The following NPFFR2 variants were observed in gnomAD, a reference collection of about 807,000 sequenced individuals.
NPFFR2 encodes G-protein coupled receptor 74.
Under a neutral mutation model 13.1 loss-of-function variants are expected in NPFFR2, and 15 were observed. The observed-to-expected ratio is 1.15, with a 90% CI of 0.77 to 1.76. The LOEUF (loss-of-function observed/expected upper bound fraction) is 1.76. Ranked by LOEUF, NPFFR2 falls within the 40% of genes most tolerant of loss-of-function variation. NPFFR2 has a pLI of 0.00. For synonymous variants in NPFFR2, 190 were observed against 175.7 expected (o/e 1.08, Z -0.65); for missense variants, 572 against 503.5 (o/e 1.14, Z -1.30).
chr4:72,128,630 G>A lies in NPFFR2; in HGVS notation c.39G>A (p.Trp13Ter). ...GGGACACAAACTCTTCAGAAAACTG[G>A]CATCCCATCTGGAATGTCAATGACA... ...EKWDTNSSEN[W>*]HPIWNVNDTK... is the part of the protein sequence containing the mutation. The change falls in exon 2 of 4, where the codon TGG becomes TGA. Residue 13 changes from tryptophan to a stop codon, truncating the protein, a stop_gained. Coordinates refer to ENST00000308744, the MANE Select transcript of NPFFR2 (RefSeq NM_004885.3). LOFTEE classifies it high-confidence loss of function. 1 of 1,611,508 alleles carries A rather than the reference G, an allele frequency of 6.2e-7. No homozygotes were observed. The highest frequency in any genetic ancestry group is 8.5e-7 in the Non-Finnish European group (1 of 1,178,010).
rs182810603 is a variant in NPFFR2 at position 72,124,471 on chromosome 4, G to T, written c.-7-4114G>T. Among the ~76,000 whole-genome samples the T allele has an allele frequency of 2.0e-5, 3 of 151,570 alleles. No homozygotes were observed. The East Asian group carries it at 5.8e-4, about 29-fold the overall frequency. On this transcript the variant is annotated intron_variant, in intron 1 of 3. Coordinates refer to ENST00000308744, the MANE Select transcript of NPFFR2 (RefSeq NM_004885.3). ...CTAAGCAAAAAGAACAAAGCTGGAG[G>T]CATCAGGCTACCTGACTTCAAACTG...
At chr4:72,050,976 T>C (rs904472884) in intron 1 of NPFFR2, among the ~76,000 whole-genome samples, 17 of 151,958 alleles carry the variant, frequency 1.1e-4, no homozygotes, top group Admixed American at 3.9e-4. Flanking sequence ...TATTCCATGG[T>C]GTATATGTGC....
intron 1 of NPFFR2, among the ~76,000 whole-genome samples, chr4:72,123,891 A>G (rs1194856449): frequency 6.6e-6 from 1 of 152,232 alleles, no homozygotes; most frequent in Non-Finnish European, 1.5e-5. Context: ...CCTATTCAAC[A>G]TAGTGTTGGA....
At chr4:72,110,862 C>T (rs751833315) in intron 1 of NPFFR2, among the ~76,000 whole-genome samples, 6 of 152,094 alleles carry the variant, frequency 3.9e-5, no homozygotes, top group Middle Eastern at 3.4e-3. Context: ...GCAATTTCTT[C>T]TGCTCAGAGC....
Position 72,126,305 on chromosome 4 carries a change from G to A in NPFFR2, c.-7-2280G>A, listed in dbSNP as rs1039332110. Among the ~76,000 whole-genome samples, 3 of 152,118 alleles carry A rather than the reference G, an allele frequency of 2.0e-5. No homozygotes were observed. The East Asian group carries it at 5.8e-4, about 29-fold the overall frequency. ...TGTAACTATCCTGTTTCAAATTTTT[G>A]TCCACTGCTTTAAGCAGTCATTTAT... On this transcript the variant is annotated intron_variant, in intron 1 of 3. Coordinates refer to ENST00000308744, the MANE Select transcript of NPFFR2 (RefSeq NM_004885.3).
At chr4:72,036,985 C>CT (rs1292143192) in intron 1 of NPFFR2, among the ~76,000 whole-genome samples, 1 of 152,146 alleles carries the variant, frequency 6.6e-6, no homozygotes, top group Non-Finnish European at 1.5e-5. Flanking sequence ...CTCAAACACC[C>CT]TGTCTCCTTG....
chr4:72,144,684 C>T (rs553299462), intron 3 of NPFFR2, among the ~76,000 whole-genome samples: 28 of 152,240 alleles, frequency 1.8e-4, no homozygotes, highest in Middle Eastern at 3.4e-3. Flanking sequence ...ATTCCAAGCC[C>T]CACACCATAC....
chr4:72,116,552 C>T (rs973729714), intron 1 of NPFFR2, among the ~76,000 whole-genome samples: 9 of 151,964 alleles, frequency 5.9e-5, no homozygotes, highest in African/African-American at 2.2e-4. Context: ...TGCACACGTA[C>T]CCCTGAACCT....
rs777730337 is a variant in NPFFR2, at chr4:72,032,180, C to T, written c.-28C>T. ...CTTGGTGGATTCTGGTTCCTGCCGC[C>T]GACAGGGCTCGCCGGGAGAGGTAAC... On this transcript the variant is annotated 5_prime_UTR_variant, in exon 1 of 4. Transcript: ENST00000308744. 6.2e-7 allele frequency: 1 copy of T among 1,610,598 alleles called. No individual in the cohort carries two copies. The highest frequency in any genetic ancestry group is 8.5e-7 in the Non-Finnish European group (1 of 1,177,926).
chr4:72,047,231 C>A (rs1480402380), intron 1 of NPFFR2, among the ~76,000 whole-genome samples: 1 of 151,696 alleles, frequency 6.6e-6, no homozygotes, highest in Non-Finnish European at 1.5e-5. Flanking sequence ...GGCCAAGTGA[C>A]AATTGCCAAA....
chr4:72,089,439 C>G (rs748224693), intron 1 of NPFFR2, among the ~76,000 whole-genome samples: 29 of 152,198 alleles, frequency 1.9e-4, no homozygotes, highest in Non-Finnish European at 3.8e-4. Flanking sequence ...TACATTCCCA[C>G]CAACAGTGTT....
chr4:72,062,051 A>G (rs1719934472), intron 1 of NPFFR2, among the ~76,000 whole-genome samples: 1 of 149,566 alleles, frequency 6.7e-6, no homozygotes, highest in East Asian at 2.0e-4. Flanking sequence ...GGCATTGCAT[A>G]ATCTGTTTGG....
intron 1 of NPFFR2, among the ~76,000 whole-genome samples, chr4:72,076,326 G>A (rs1008283206): frequency 6.6e-6 from 1 of 151,822 alleles, no homozygotes; most frequent in African/African-American, 2.4e-5. Context: ...TGTATTTTTG[G>A]TATTTTGAGA....
chr4:72,073,049 A>G (rs1720308539), intron 1 of NPFFR2, among the ~76,000 whole-genome samples: 1 of 152,206 alleles, frequency 6.6e-6, no homozygotes, highest in Non-Finnish European at 1.5e-5. Flanking sequence ...AAATGATTCA[A>G]CTATATGCCA....
intron 1 of NPFFR2, among the ~76,000 whole-genome samples, chr4:72,063,505 T>A (rs1719981340): frequency 6.6e-6 from 1 of 152,230 alleles, no homozygotes; most frequent in African/African-American, 2.4e-5. Flanking sequence ...ATTTTAAGGC[T>A]ATTGAGTTAC....
At chr4:72,098,239 T>A (rs748446479) in intron 1 of NPFFR2, among the ~76,000 whole-genome samples, 5 of 152,174 alleles carry the variant, frequency 3.3e-5, no homozygotes, top group Non-Finnish European at 7.3e-5. Flanking sequence ...GTGACTAAGG[T>A]CACAAAGATG....
At chr4:72,042,344 T>C (rs967590412) in intron 1 of NPFFR2, among the ~76,000 whole-genome samples, 9 of 152,206 alleles carry the variant, frequency 5.9e-5, no homozygotes, top group Non-Finnish European at 1.2e-4. Context: ...TACCCAGTCT[T>C]GGCTATATTC....
chr4:72,099,250 T>C (rs1328782128), intron 1 of NPFFR2, among the ~76,000 whole-genome samples: 1 of 152,158 alleles, frequency 6.6e-6, no homozygotes, highest in African/African-American at 2.4e-5. Context: ...TTTGTAAATA[T>C]TGTGTTAATG....
At chr4:72,081,740 C>T (rs748511751) in intron 1 of NPFFR2, among the ~76,000 whole-genome samples, 1 of 152,034 alleles carries the variant, frequency 6.6e-6, no homozygotes, top group Non-Finnish European at 1.5e-5. Context: ...GTCCTCCCGC[C>T]TTGGCCTCCA....
Sources: allele counts gnomAD v4.1 joint callset (sites outside exome capture counted in the v4.1 genomes callset), GRCh38; gene constraint gnomAD v4.1.1; transcripts MANE v1.5; gene names NCBI Gene and HGNC (gene_info 2026-07-23, HGNC 2026-07-21).